The following IL16 variants were observed in gnomAD, a reference collection of about 807,000 sequenced individuals.
IL16 encodes interleukin 16, also known as pro-interleukin-16.
Under a neutral mutation model 110.1 loss-of-function variants are expected in IL16, and 67 were observed. The observed-to-expected ratio is 0.61, with a 90% confidence interval of 0.50 to 0.75. The LOEUF is 0.75. IL16 is among the 30% of genes least tolerant of loss of function. The pLI is 0.00. For synonymous variants in IL16, 689 were observed against 662.9 expected (o/e 1.04, Z -0.61); for missense variants, 1,545 against 1,655.0 (o/e 0.93, Z 1.15).
At chr15:81,212,993 C>T (rs968533877) in intron 1 of IL16, among the ~76,000 whole-genome samples, 1 of 152,160 alleles carries the variant, frequency 6.6e-6, no homozygotes, top group South Asian at 2.1e-4. Flanking sequence ...AATTTAACAT[C>T]TTTTTAATTT....
intron 3 of IL16, among the ~76,000 whole-genome samples, chr15:81,260,938 A>G (rs1898128639): frequency 1.3e-5 from 2 of 152,236 alleles, no homozygotes; most frequent in African/African-American, 4.8e-5. Context: ...ATGTAGTTTA[A>G]GGCTTTTTAT....
At chr15:81,247,923 C>T (rs1435163775) in intron 2 of IL16, among the ~76,000 whole-genome samples, 3 of 151,938 alleles carry the variant, frequency 2.0e-5, no homozygotes, top group Non-Finnish European at 2.9e-5. Flanking sequence ...TTGATGACCC[C>T]GTATAAGATT....
intron 2 of IL16, among the ~76,000 whole-genome samples, chr15:81,248,797 G>A (rs115935301): frequency 0.023 from 3,251 of 141,232 alleles, 113 homozygotes; most frequent in African/African-American, 0.083. Context: ...CTCCATTCAC[G>A]GCAAACTCCA....
intron 1 of IL16, among the ~76,000 whole-genome samples, chr15:81,205,205 C>T (rs1895972395): frequency 6.6e-6 from 1 of 151,366 alleles, no homozygotes; most frequent in African/African-American, 2.4e-5. Flanking sequence ...ACTCGGGAGG[C>T]TAAGGCAGGA....
intron 2 of IL16, among the ~76,000 whole-genome samples, chr15:81,232,601 A>G (rs1398181728): frequency 6.6e-6 from 1 of 152,124 alleles, no homozygotes; most frequent in Non-Finnish European, 1.5e-5. Flanking sequence ...TTTTTCCTGC[A>G]TTTATTGAGA....
rs565533717 is a variant in IL16 at position 81,289,128 on chromosome 15, T to C, written c.1333-1325T>C. On this transcript the variant is annotated intron_variant, in intron 10 of 18. Transcript: ENST00000683961. ...GCCCAAGGGTCCCGATTTCTCCATA[T>C]CCTTGCCAATACTTTGTTATTTTCT... is the stretch of plus-strand genomic sequence containing the variant. Among the ~76,000 whole-genome samples, 175 of 152,218 alleles carry C rather than the reference T, an allele frequency of 1.1e-3. 1 individual carries two copies. The highest frequency in any genetic ancestry group is 3.9e-3 in the African/African-American group (161 of 41,526).
chr15:81,282,826 G>A (rs962987211), intron 9 of IL16, 70 bp downstream of exon 9: 54 of 1,161,148 alleles, frequency 4.7e-5, no homozygotes, highest in African/African-American at 7.5e-5. Context: ...TTAGAATGTC[G>A]GGAGATTGAT....
In IL16 at chr15:81,306,090, G is replaced by T; in HGVS notation, c.3603G>T (p.Glu1201Asp). 6.2e-7 allele frequency: 1 copy of T among 1,614,210 alleles called. No homozygotes were observed. Residue 1201 changes from glutamate (E) to aspartate (D), a missense_variant, in exon 17 of 19, where the codon GAG becomes GAT. By Grantham distance (45) the Glu-to-Asp change is conservative (BLOSUM62 2). Transcript: ENST00000683961. Reference sequence around the variant, plus strand: ...TTGTCACAAGGAAGCTGACTCCAGAGGCCATGCCCGACCTCAACTCCTCCA... The same window carrying T: ...TTGTCACAAGGAAGCTGACTCCAGATGCCATGCCCGACCTCAACTCCTCCA... Reference protein sequence around the residue: ...AVIVTRKLTPEAMPDLNSSTD... With the variant: ...AVIVTRKLTPDAMPDLNSSTD...
intron 12 of IL16, chr15:81,295,305 A>G: frequency 9.2e-7 from 1 of 1,086,498 alleles, no homozygotes; most frequent in Non-Finnish European, 1.1e-6. Flanking sequence ...TAAGAGAAAA[A>G]TTTGTGTAAA....
At chr15:81,265,830 A>G in intron 4 of IL16, 29 bp downstream of exon 4, 1 of 1,594,156 alleles carries the variant, frequency 6.3e-7, no homozygotes, top group South Asian at 1.1e-5. Flanking sequence ...AAACTCAGAG[A>G]AGAGTTTCTC....
At chr15:81,257,129 C>T (rs1358616017) in intron 2 of IL16, among the ~76,000 whole-genome samples, 3 of 152,178 alleles carry the variant, frequency 2.0e-5, no homozygotes, top group African/African-American at 7.2e-5. Context: ...CCCTGGTTAG[C>T]CTGGTTATAG....
At chr15:81,298,362 G>A (rs538188884) in intron 13 of IL16, among the ~76,000 whole-genome samples, 1 of 152,202 alleles carries the variant, frequency 6.6e-6, no homozygotes, top group Non-Finnish European at 1.5e-5. Context: ...AAGGCACACA[G>A]GCCAGCCTCC....
At chr15:81,262,098 A>C (rs1898181360) in intron 3 of IL16, among the ~76,000 whole-genome samples, 1 of 152,138 alleles carries the variant, frequency 6.6e-6, no homozygotes, top group Non-Finnish European at 1.5e-5. Flanking sequence ...TTAAACATTC[A>C]TACAGGTGAA....
chr15:81,218,421 A>G (rs1401369392), intron 1 of IL16, among the ~76,000 whole-genome samples: 1 of 152,204 alleles, frequency 6.6e-6, no homozygotes, highest in Non-Finnish European at 1.5e-5. Flanking sequence ...TTTCTCCCCT[A>G]ATTCATCTAT....
chr15:81,313,343 T>C lies in IL16; in HGVS notation c.*4545T>C. The C allele has an allele frequency of 6.3e-7, 1 of 1,581,234 alleles. No individual in the cohort carries two copies. The highest frequency in any genetic ancestry group is 8.6e-7 in the Non-Finnish European group (1 of 1,164,200). Reference sequence around the variant, plus strand: ...GGAAGAAGGAGTCCACCACGTTCTGTGGGAGGTAACCGCTGAGGTCGGTAT... The same window carrying C: ...GGAAGAAGGAGTCCACCACGTTCTGCGGGAGGTAACCGCTGAGGTCGGTAT... On this transcript the variant is annotated 3_prime_UTR_variant, in exon 19 of 19. Transcript: ENST00000683961.
chr15:81,244,187 A>G (rs1595986673), intron 2 of IL16, among the ~76,000 whole-genome samples: 2 of 152,208 alleles, frequency 1.3e-5, no homozygotes, highest in African/African-American at 4.8e-5. Context: ...ACCACATCAC[A>G]GTGTTAACAT....
In IL16 at chr15:81,197,032, G is replaced by A; in HGVS notation, c.-222G>A. ...TCAATCCTTGCCGGCTCTGACCCAG[G>A]CCTGGGCCACAGGCTGTCCGGGAAT... On this transcript the variant is annotated 5_prime_UTR_variant, in exon 1 of 19. Coordinates refer to ENST00000683961, the MANE Select transcript of IL16 (RefSeq NM_172217.5). 1 of 1,288,586 alleles carries A rather than the reference G, an allele frequency of 7.8e-7. No individual in the cohort carries two copies. Among genetic ancestry groups the A allele is most frequent in the Non-Finnish European group, 1.0e-6 (1 of 988,492 alleles). 79.8% of individuals were successfully genotyped at this position (1,288,586 alleles called of 1,614,324 possible).
At chr15:81,239,273 G>C (rs956616534) in intron 2 of IL16, among the ~76,000 whole-genome samples, 4 of 152,126 alleles carry the variant, frequency 2.6e-5, no homozygotes, top group Non-Finnish European at 5.9e-5. Context: ...CTCTGTTTAG[G>C]ATTAGCATGT....
chr15:81,280,230 G>A (rs1005217570), intron 8 of IL16, among the ~76,000 whole-genome samples: 4 of 152,284 alleles, frequency 2.6e-5, no homozygotes, highest in Non-Finnish European at 2.9e-5. Context: ...GTGGGGGCTC[G>A]GAGCCCTCTC....
Sources: allele counts gnomAD v4.1 joint callset (sites outside exome capture counted in the v4.1 genomes callset), GRCh38; gene constraint gnomAD v4.1.1; transcripts MANE v1.5; gene names NCBI Gene and HGNC (gene_info 2026-07-23, HGNC 2026-07-21).